Variants in BTBD17 observed in about 807,000 individuals in gnomAD.
The protein encoded by BTBD17 is BTB/POZ domain-containing protein 17.
BTBD17 carries 26 observed loss-of-function variants against 36.9 expected under a neutral mutation model. The ratio of observed to expected loss-of-function variants is 0.70; its 90% confidence interval spans 0.52 to 0.98. The LOEUF is 0.98. BTBD17 is among the 50% of genes least tolerant of loss of function. The probability of loss-of-function intolerance (pLI) is 0.00; values close to 1 mark genes in which losing one functional copy is unlikely to be tolerated. For synonymous variants in BTBD17, 341 were observed against 338.0 expected, an observed-to-expected ratio of 1.01 and a Z score of -0.10; for missense variants, 630 against 691.3, an observed-to-expected ratio of 0.91 and a Z score of 0.99.
At chr17:74,359,278 A>G (rs896661053) in intron 2 of BTBD17, among the ~76,000 whole-genome samples, 2 of 152,222 alleles carry the variant, frequency 1.3e-5, no homozygotes, top group South Asian at 4.1e-4. Flanking sequence ...AAAATAAAAT[A>G]AAAAATGATT....
At chr17:74,361,511 C>T (rs1328470899) in intron 1 of BTBD17, among the ~76,000 whole-genome samples, 1 of 152,180 alleles carries the variant, frequency 6.6e-6, no homozygotes, top group Admixed American at 6.5e-5. Flanking sequence ...CAGCCTCTGC[C>T]CAGGACAATG....
At chr17:74,362,683 T>C (rs2054947927), upstream of BTBD17, among the ~76,000 whole-genome samples, 1 of 152,234 alleles carries the variant, frequency 6.6e-6, no homozygotes, top group Non-Finnish European at 1.5e-5. Flanking sequence ...TGCCCTGCTA[T>C]TTCCTGACTT....
rs1271020937 is a variant in BTBD17, at chr17:74,357,308, C to G, written c.786G>C (p.Pro262=). The change falls in exon 3 of 3, where the codon CCG becomes CCC. Residue 262 remains proline, a synonymous_variant. Coordinates refer to ENST00000375366, the MANE Select transcript of BTBD17 (RefSeq NM_001080466.2). The surrounding 1 kb of genome is among the most constrained non-coding windows in gnomAD (Gnocchi z 8.4). ...GCGCCTGCAGCTGGAACAGCTGTGC[C>G]GGTGGGATCATGGGGTAGCGTATGG... The part of the protein sequence containing the change: ...LRAIRYPMIP[P]AQLFQLQARS... 1.6e-5 allele frequency: 25 copies of G among 1,559,850 alleles called. No individual in the cohort carries two copies. The East Asian group carries it at 3.6e-4, about 23-fold the overall frequency.
Position 74,356,656 on chromosome 17 carries a change from G to T in BTBD17, c.*1C>A, listed in dbSNP as rs2054891187. On this transcript the variant is annotated 3_prime_UTR_variant, in exon 3 of 3. Coordinates refer to ENST00000375366, the MANE Select transcript of BTBD17 (RefSeq NM_001080466.2). The surrounding 1 kb of genome is among the most constrained non-coding windows in gnomAD (Gnocchi z 4.3). ...CAGGCCTTTATTCCCAGACCCCGAG[G>T]CTACTTGGGGGTCCGGATAAGGGTG... The T allele has an allele frequency of 6.6e-7, 1 of 1,517,166 alleles. No homozygotes were observed. Among genetic ancestry groups the T allele is most frequent in the Non-Finnish European group, 8.9e-7 (1 of 1,125,762 alleles). 94.0% of individuals were successfully genotyped at this position (1,517,166 alleles called of 1,614,324 possible).
Position 74,356,653 on chromosome 17 carries a change from G to A in BTBD17, c.*4C>T, listed in dbSNP as rs751765560. On this transcript the variant is annotated 3_prime_UTR_variant, in exon 3 of 3. Coordinates refer to ENST00000375366, the MANE Select transcript of BTBD17 (RefSeq NM_001080466.2). This position sits in a 1 kb window ranked among gnomAD's most constrained non-coding sequence, Gnocchi z 4.3. Reference sequence around the variant, plus strand: ...GGCCAGGCCTTTATTCCCAGACCCCGAGGCTACTTGGGGGTCCGGATAAGG... The same window carrying A: ...GGCCAGGCCTTTATTCCCAGACCCCAAGGCTACTTGGGGGTCCGGATAAGG... The A allele has an allele frequency of 2.6e-6, 4 of 1,509,860 alleles. No homozygotes were observed. The South Asian group carries it at 3.9e-5, about 15-fold the overall frequency. The allele number at this position is 1,509,860 out of a possible 1,614,324, so 93.5% of individuals were successfully genotyped here.
At chr17:74,361,955 G>A (rs1046032579), upstream of BTBD17, 3 of 660,640 alleles carry the variant, frequency 4.5e-6, no homozygotes, top group African/African-American at 1.9e-5. Context: ...CCCCCACTCA[G>A]CCTCCTCCAT....
In BTBD17 at chr17:74,357,022, C is replaced by T; in HGVS notation, c.1072G>A (p.Val358Met). 1 of 1,523,736 alleles carries T rather than the reference C, an allele frequency of 6.6e-7. No individual in the cohort carries two copies. Among genetic ancestry groups the T allele is most frequent in the Non-Finnish European group, 8.7e-7 (1 of 1,147,592 alleles). The allele number at this position is 1,523,736 out of a possible 1,614,324, so 94.4% of individuals were successfully genotyped here. ...GGCAGCCAGCGCGGCGAGAAGAGCACGTTCCAGGTGACCCGGCGGCCCGCG... is the reference window on the plus strand; with the variant it reads ...GGCAGCCAGCGCGGCGAGAAGAGCATGTTCCAGGTGACCCGGCGGCCCGCG... The part of the protein sequence containing the change: ...HDAGRRVTWN[V>M]LFSPRWLPVS... Residue 358 changes from valine (V) to methionine (M), a missense_variant, in exon 3 of 3, where the codon GTG becomes ATG. Val to Met is a conservative substitution (Grantham distance 21). Transcript: ENST00000375366. This position sits in a 1 kb window ranked among gnomAD's most constrained non-coding sequence, Gnocchi z 8.4.
chr17:74,360,252 C>T lies in BTBD17; in HGVS notation c.86-7G>A, dbSNP rs372965345. On this transcript the variant is annotated splice_polypyrimidine_tract_variant and splice_region_variant and intron_variant, in intron 1 of 2. Transcript: ENST00000375366. ...CCAACATCGGCTCTCTGTGCTGCAG[C>T]AGGAAGGAACACAGCATAGCCTGAG... 2.3e-5 allele frequency: 37 copies of T among 1,599,130 alleles called. No homozygotes were observed. The African/African-American group carries it at 2.7e-4, about 12-fold the overall frequency.
Position 74,359,330 on chromosome 17 carries a change from G to A in BTBD17, c.362+639C>T, listed in dbSNP as rs188171199. Among the ~76,000 whole-genome samples, 592 of 152,284 alleles carry A rather than the reference G, an allele frequency of 3.9e-3. 1 individual carries two copies. The highest frequency in any genetic ancestry group is 6.7e-3 in the Non-Finnish European group (454 of 68,038). On this transcript the variant is annotated intron_variant, in intron 2 of 2. Coordinates refer to ENST00000375366, the MANE Select transcript of BTBD17 (RefSeq NM_001080466.2). ...GACCTGAAACTGACAATCCAGGTTG[G>A]GATCCGTGAAACTGTAGTTTTTTTG...
chr17:74,360,391 G>T, intron 1 of BTBD17, 146 bp from the exon 2 acceptor site: 2 of 791,524 alleles, frequency 2.5e-6, no homozygotes, highest in South Asian at 1.9e-5. Context: ...GTGCATACCT[G>T]TTTGTGCCCA....
intron 2 of BTBD17, among the ~76,000 whole-genome samples, chr17:74,359,678 C>T (rs1026142974): frequency 1.8e-4 from 28 of 152,296 alleles, no homozygotes; most frequent in African/African-American, 6.7e-4. Flanking sequence ...CATGAGCCAC[C>T]GTGCCCGGCC....
chr17:74,361,863 C>T lies in BTBD17; in HGVS notation c.-44G>A, dbSNP rs1178764966. Reference sequence around the variant, plus strand: ...AGTCCACTGGAGGGACGGTGAAGCCCAGACCACTCTGCTCACATCCCTCTT... The same window carrying T: ...AGTCCACTGGAGGGACGGTGAAGCCTAGACCACTCTGCTCACATCCCTCTT... On this transcript the variant is annotated 5_prime_UTR_variant, in exon 1 of 3. Transcript: ENST00000375366. 1 of 1,512,042 alleles carries T rather than the reference C, an allele frequency of 6.6e-7. No homozygotes were observed. Among genetic ancestry groups the T allele is most frequent in the Non-Finnish European group, 9.2e-7 (1 of 1,089,722 alleles). 93.7% of individuals were successfully genotyped at this position (1,512,042 alleles called of 1,614,324 possible).
At chr17:74,362,613 A>C (rs370508894), upstream of BTBD17, among the ~76,000 whole-genome samples, 20 of 152,294 alleles carry the variant, frequency 1.3e-4, 1 homozygote, top group East Asian at 2.3e-3. Flanking sequence ...ACCCCTGCCC[A>C]GAGCGGGGCT....
chr17:74,360,689 C>T (rs1210513028), intron 1 of BTBD17, among the ~76,000 whole-genome samples: 3 of 152,234 alleles, frequency 2.0e-5, no homozygotes, highest in Non-Finnish European at 4.4e-5. Flanking sequence ...ATTTATTGAG[C>T]ACTTACTATA....
rs1390364300 is a variant in BTBD17, at chr17:74,357,326, G to C, written c.768C>G (p.Arg256=). ...AVAERALRAI[R]YPMIPPAQLF... ...GCTGTGCCGGTGGGATCATGGGGTA[G>C]CGTATGGCGCGCAGCGCCCGCTCGG... Residue 256 remains arginine (R), a synonymous_variant, in exon 3 of 3, where the codon CGC becomes CGG. Coordinates refer to ENST00000375366, the MANE Select transcript of BTBD17 (RefSeq NM_001080466.2). The surrounding 1 kb of genome is among the most constrained non-coding windows in gnomAD (Gnocchi z 8.4). 4 of 1,555,402 alleles carry C rather than the reference G, an allele frequency of 2.6e-6. No individual in the cohort carries two copies. The highest frequency in any genetic ancestry group is 1.9e-5 in the Admixed American group (1 of 53,044).
At chr17:74,361,991 G>A, upstream of BTBD17, 1 of 578,770 alleles carries the variant, frequency 1.7e-6, no homozygotes, top group Non-Finnish European at 3.0e-6. Context: ...GGCCCCAGCT[G>A]TTGCCCAGGC....
chr17:74,362,348 C>G (rs560887330), upstream of BTBD17, among the ~76,000 whole-genome samples: 1 of 152,226 alleles, frequency 6.6e-6, no homozygotes, highest in African/African-American at 2.4e-5. Flanking sequence ...ACCCCTCCCC[C>G]ACTCCCATTT....
chr17:74,362,409 G>T (rs529472579), upstream of BTBD17, among the ~76,000 whole-genome samples: 4 of 152,362 alleles, frequency 2.6e-5, no homozygotes, highest in South Asian at 8.3e-4. Context: ...TCGAATAGGG[G>T]CCCATGGGCA....
At position 74,357,338 on chromosome 17, in the gene BTBD17, C is replaced by A; in HGVS notation, c.756G>T (p.Leu252=). The A allele has an allele frequency of 6.4e-7, 1 of 1,552,226 alleles. No individual in the cohort carries two copies. Among genetic ancestry groups the A allele is most frequent in the Non-Finnish European group, 8.6e-7 (1 of 1,156,686 alleles). Residue 252 remains leucine, a synonymous_variant, in exon 3 of 3, where the codon CTG becomes CTT. Coordinates refer to ENST00000375366, the MANE Select transcript of BTBD17 (RefSeq NM_001080466.2). The surrounding 1 kb of genome is among the most constrained non-coding windows in gnomAD (Gnocchi z 8.4). Reference sequence around the variant, plus strand: ...GGATCATGGGGTAGCGTATGGCGCGCAGCGCCCGCTCGGCCACGGCAGGGG... The same window carrying A: ...GGATCATGGGGTAGCGTATGGCGCGAAGCGCCCGCTCGGCCACGGCAGGGG... ...RPPPAVAERA[L]RAIRYPMIPP...
Sources: allele counts gnomAD v4.1 joint callset (sites outside exome capture counted in the v4.1 genomes callset), GRCh38; gene constraint gnomAD v4.1.1; non-coding constraint Gnocchi (gnomAD v3.1); transcripts MANE v1.5; gene names NCBI Gene and HGNC (gene_info 2026-07-23, HGNC 2026-07-21).